Variants in PRCD observed in about 807,000 individuals in gnomAD.
The protein encoded by PRCD is photoreceptor disk component PRCD.
Under a neutral mutation model 10.1 loss-of-function variants are expected in PRCD, and 12 were observed. The ratio of observed to expected loss-of-function variants is 1.18; its 90% CI spans 0.76 to 1.92. PRCD has a LOEUF of 1.92. Ranked by LOEUF, PRCD falls within the 40% of genes most tolerant of loss-of-function variation. The probability of loss-of-function intolerance (pLI) is 0.00; values close to 1 mark genes in which losing one functional copy is unlikely to be tolerated. For synonymous variants in PRCD, 31 were observed against 26.2 expected (o/e 1.18, Z -0.56); for missense variants, 61 against 72.2 (o/e 0.84, Z 0.56).
chr17:76,535,806 G>A (rs1190303250), upstream of PRCD, among the ~76,000 whole-genome samples: 1 of 152,184 alleles, frequency 6.6e-6, no homozygotes, highest in Non-Finnish European at 1.5e-5. Context: ...AGGTTCAATG[G>A]TGTTCCATGA....
At chr17:76,532,690 CCCGG>C (rs2074861583) in intron 1 of PRCD, among the ~76,000 whole-genome samples, 1 of 152,096 alleles carries the variant, frequency 6.6e-6, no homozygotes, top group Non-Finnish European at 1.5e-5. Flanking sequence ...CATCACCACG[CCCGG>C]CTAGCTAATT....
rs1453469239 is a variant in PRCD, at chr17:76,528,372, C to T, written n.45+539C>T. On this transcript the variant is annotated intron_variant and non_coding_transcript_variant, in intron 1 of 4. Coordinates refer to the PRCD transcript ENST00000397633. This position sits in a 1 kb window ranked among gnomAD's most constrained non-coding sequence, Gnocchi z 5.8. Reference sequence around the variant, plus strand: ...AGAGTGGGCCCCGCTCTGCCCGCCGCGCTGGGGTCAGCATCCAGGCAGCCA... The same window carrying T: ...AGAGTGGGCCCCGCTCTGCCCGCCGTGCTGGGGTCAGCATCCAGGCAGCCA... 1.4e-5 allele frequency: 6 copies of T among 425,782 alleles called. No individual in the cohort carries two copies. Among genetic ancestry groups the T allele is most frequent in the African/African-American group, 4.1e-5 (2 of 48,996 alleles). The allele number at this position is 425,782 out of a possible 1,614,324, so 26.4% of individuals were successfully genotyped here.
At chr17:76,537,676 G>T, upstream of PRCD, 1 of 821,176 alleles carries the variant, frequency 1.2e-6, no homozygotes, top group Non-Finnish European at 1.5e-6. Context: ...GCGGAGGGAG[G>T]GAGCGTGTGT....
chr17:76,537,520 A>C, upstream of PRCD: 1 of 1,570,164 alleles, frequency 6.4e-7, no homozygotes, highest in Non-Finnish European at 8.6e-7. Context: ...CTCGATCTCC[A>C]TCTCGCCTGG....
chr17:76,531,982 C>T lies in PRCD; in HGVS notation n.45+4149C>T. On this transcript the variant is annotated intron_variant and non_coding_transcript_variant, in intron 1 of 4. Coordinates refer to the PRCD transcript ENST00000397633. The surrounding 1 kb of genome is among the most constrained non-coding windows in gnomAD (Gnocchi z 7.4). ...TCTTGCTTCCTTCCCAAACTCTACA[C>T]CCCCTTCAAGCCCTGCTCTAGTCAT... is the stretch of plus-strand genomic sequence containing the variant. 1 of 326,554 alleles carries T rather than the reference C, an allele frequency of 3.1e-6. No homozygotes were observed. 20.2% of individuals were successfully genotyped at this position (326,554 alleles called of 1,614,324 possible).
At chr17:76,535,170 C>T (rs1313671509), upstream of PRCD, among the ~76,000 whole-genome samples, 1 of 152,240 alleles carries the variant, frequency 6.6e-6, no homozygotes, top group Non-Finnish European at 1.5e-5. Flanking sequence ...CCACCCCCAC[C>T]AATGTGGCAA....
At chr17:76,535,827 G>A (rs979318460), upstream of PRCD, among the ~76,000 whole-genome samples, 28 of 152,206 alleles carry the variant, frequency 1.8e-4, no homozygotes, top group African/African-American at 6.8e-4. Context: ...TGTGGACGGT[G>A]AGCACTTCCT....
upstream of PRCD, chr17:76,538,396 G>C (rs1308902158): frequency 1.3e-4 from 53 of 396,282 alleles, 1 homozygote; most frequent in Admixed American, 1.6e-3. Context: ...CCGACCTCGG[G>C]CGCCAGAGGC....
At chr17:76,539,970 C>T (rs990819501), upstream of PRCD, 2 of 672,504 alleles carry the variant, frequency 3.0e-6, no homozygotes, top group Non-Finnish European at 5.2e-6. Flanking sequence ...TTAATCAGTC[C>T]TCACAAGGTC....
chr17:76,545,720 G>A (rs541479910), downstream of PRCD: 1 of 256,576 alleles, frequency 3.9e-6, no homozygotes, highest in African/African-American at 2.2e-5. Context: ...AGAGTTGTAA[G>A]GGTTGATTAG....
rs779714454 is a variant in PRCD, at chr17:76,544,310, A to G, written c.*660A>G. 7 of 454,290 alleles carry G rather than the reference A, an allele frequency of 1.5e-5. No homozygotes were observed. The highest frequency in any genetic ancestry group is 2.6e-5 in the Non-Finnish European group (6 of 226,820). 28.1% of individuals were successfully genotyped at this position (454,290 alleles called of 1,614,324 possible). On this transcript the variant is annotated 3_prime_UTR_variant, in exon 5 of 5. Coordinates refer to ENST00000592014, the MANE Select transcript of PRCD (RefSeq NM_001077620.3). ...TTGACTTCCAGGCAGTAGAAGATGG[A>G]GTTCTCTAGACAGCAGCACTTCAGC...
rs1161957896 is a variant in PRCD at position 76,544,278 on chromosome 17, C to T, written c.*628C>T. ...CGGCGATGTCTCTGCCTGGCTGGCC[C>T]GTGCCCTTGACTTCCAGGCAGTAGA... On this transcript the variant is annotated 3_prime_UTR_variant, in exon 5 of 5. Transcript: ENST00000592014. The T allele has an allele frequency of 2.6e-5, 12 of 454,426 alleles. No individual in the cohort carries two copies. Among genetic ancestry groups the T allele is most frequent in the South Asian group, 4.7e-5 (3 of 64,486 alleles). 28.1% of individuals were successfully genotyped at this position (454,426 alleles called of 1,614,324 possible). A position where few individuals can be genotyped will look rare whatever the true frequency, so the allele number is the denominator to read the frequency against.
Position 76,531,047 on chromosome 17 carries a change from G to A in PRCD, n.45+3214G>A, listed in dbSNP as rs1598202309. Reference sequence around the variant, plus strand: ...AGGCAGCGGTCACGTGGCTGTAGATGAGGCCACGCAGCTTGGCCCAGGCTC... The same window carrying A: ...AGGCAGCGGTCACGTGGCTGTAGATAAGGCCACGCAGCTTGGCCCAGGCTC... On this transcript the variant is annotated intron_variant and non_coding_transcript_variant, in intron 1 of 4. Transcript: ENST00000397633. The surrounding 1 kb of genome is among the most constrained non-coding windows in gnomAD (Gnocchi z 7.4). 6.2e-7 allele frequency: 1 copy of A among 1,613,582 alleles called. No homozygotes were observed. The highest frequency in any genetic ancestry group is 2.2e-5 in the East Asian group (1 of 44,862).
rs1298965144 is a variant in PRCD at position 76,544,343 on chromosome 17, C to G, written c.*693C>G. On this transcript the variant is annotated 3_prime_UTR_variant, in exon 5 of 5. Coordinates refer to ENST00000592014, the MANE Select transcript of PRCD (RefSeq NM_001077620.3). ...AGACAGCAGCACTTCAGCCGCCACT[C>G]TGCCTCTGAAGGGAAGGAAGGGAAA... is the stretch of plus-strand genomic sequence containing the variant. 2.2e-6 allele frequency: 1 copy of G among 454,602 alleles called. No homozygotes were observed. Among genetic ancestry groups the G allele is most frequent in the African/African-American group, 2.0e-5 (1 of 50,024 alleles). The allele number at this position is 454,602 out of a possible 1,614,324, so 28.2% of individuals were successfully genotyped here. A position where few individuals can be genotyped will look rare whatever the true frequency, so the allele number is the denominator to read the frequency against.
chr17:76,539,946 TG>T, upstream of PRCD: 1 of 615,932 alleles, frequency 1.6e-6, no homozygotes, highest in East Asian at 2.7e-5. Context: ...GGGGAGAACC[TG>T]GGCCCAGTGA....
chr17:76,530,038 C>G lies in PRCD; in HGVS notation n.45+2205C>G. The G allele has an allele frequency of 1.0e-6, 1 of 985,368 alleles. No homozygotes were observed. The highest frequency in any genetic ancestry group is 4.7e-5 in the South Asian group (1 of 21,290). The allele number at this position is 985,368 out of a possible 1,614,324, so 61.0% of individuals were successfully genotyped here. ...GAGCTGTGCCTGTGAACAGAAGGGC[C>G]GGCAGTCTTGGGGGCCCGTGCAGAG... is the stretch of plus-strand genomic sequence containing the variant. On this transcript the variant is annotated intron_variant and non_coding_transcript_variant, in intron 1 of 4. Transcript: ENST00000397633. This position sits in a 1 kb window ranked among gnomAD's most constrained non-coding sequence, Gnocchi z 6.1.
downstream of PRCD, chr17:76,549,929 G>A (rs2075090400): frequency 1.3e-5 from 2 of 152,224 alleles, no homozygotes. Flanking sequence ...GACTGCAAGG[G>A]TAAGAAGGTT....
At chr17:76,542,699 C>A in intron 3 of PRCD, 66 bp downstream of exon 3, 1 of 1,013,100 alleles carries the variant, frequency 9.9e-7, no homozygotes. Flanking sequence ...AAGCAACAGG[C>A]AAGTCCCGGC....
At chr17:76,527,597 C>G (rs926907005), upstream of PRCD, 1 of 453,040 alleles carries the variant, frequency 2.2e-6, no homozygotes, top group Admixed American at 2.4e-5. Flanking sequence ...TAGACAGGGC[C>G]GACTGCCGGC....
Sources: allele counts gnomAD v4.1 joint callset (sites outside exome capture counted in the v4.1 genomes callset), GRCh38; gene constraint gnomAD v4.1.1; non-coding constraint Gnocchi (gnomAD v3.1); transcripts MANE v1.5; gene names NCBI Gene and HGNC (gene_info 2026-07-23, HGNC 2026-07-21).